The following CERS5 variants were observed in gnomAD, a reference collection of about 807,000 sequenced individuals.
The protein encoded by CERS5 is ceramide synthase 5.
A neutral mutation model predicts 58.9 loss-of-function variants in CERS5; 37 were observed. The ratio of observed to expected loss-of-function variants is 0.63; its 90% CI spans 0.48 to 0.83. The LOEUF (loss-of-function observed/expected upper bound fraction) is 0.83. Among genes scored for constraint, CERS5 ranks in the 40% least tolerant of loss-of-function variants. The probability of loss-of-function intolerance (pLI) is 0.00; values close to 1 mark genes in which losing one functional copy is unlikely to be tolerated. For missense variants in CERS5, 398 were observed against 489.3 expected, an observed-to-expected ratio of 0.81 and a Z score of 1.76; for synonymous variants, 147 against 177.8, an observed-to-expected ratio of 0.83 and a Z score of 1.38.
chr12:50,157,846 C>T (rs59805158), intron 1 of CERS5, among the ~76,000 whole-genome samples: 5 of 151,952 alleles, frequency 3.3e-5, no homozygotes, highest in Non-Finnish European at 5.9e-5. Context: ...GAGGTGGAAG[C>T]ATCACTTGAG....
chr12:50,165,986 G>A (rs1179199745), intron 1 of CERS5: 1 of 453,112 alleles, frequency 2.2e-6, no homozygotes, highest in Non-Finnish European at 4.4e-6. Context: ...GTGAAATCAT[G>A]TGGTTGAACA....
chr12:50,148,946 A>ATATATATATATATATATATATATATG (rs1420401358), intron 1 of CERS5, among the ~76,000 whole-genome samples: 3 of 103,152 alleles, frequency 2.9e-5, no homozygotes, highest in African/African-American at 4.0e-5. Flanking sequence ...ATATATATAT[A>ATATATATATATATATATATATATATG]TGTGTGTGTG....
chr12:50,156,912 T>C (rs902128461), intron 1 of CERS5, among the ~76,000 whole-genome samples: 1 of 152,200 alleles, frequency 6.6e-6, no homozygotes, highest in African/African-American at 2.4e-5. Context: ...TGATGGTTAA[T>C]ACTGAGTATC....
intron 1 of CERS5, among the ~76,000 whole-genome samples, chr12:50,161,866 CTTCT>C (rs1301664033): frequency 3.8e-5 from 4 of 106,052 alleles, no homozygotes; most frequent in East Asian, 3.4e-4. Context: ...ATTTGTTCTT[CTTCT>C]TTTTTTTTTT....
chr12:50,156,846 A>T (rs141523522), intron 1 of CERS5, among the ~76,000 whole-genome samples: 48 of 152,312 alleles, frequency 3.2e-4, no homozygotes, highest in African/African-American at 1.1e-3. Context: ...CAGGAGGTCA[A>T]GGCTGTAGTG....
In CERS5 at chr12:50,146,374, C is replaced by G. The variant is rs1390839483; in HGVS notation, c.198-2317G>C. Reference sequence around the variant, plus strand: ...AGCAGAAAGTGAGAAGCAAGAAATACTCTTTGATATAACAGGTCTATATTC... The same window carrying G: ...AGCAGAAAGTGAGAAGCAAGAAATAGTCTTTGATATAACAGGTCTATATTC... On this transcript the variant is annotated intron_variant, in intron 1 of 9. Coordinates refer to ENST00000317551, the MANE Select transcript of CERS5 (RefSeq NM_147190.5). Among the ~76,000 whole-genome samples, 5 of 152,310 alleles carry G rather than the reference C, an allele frequency of 3.3e-5. No individual in the cohort carries two copies. In the East Asian group the frequency reaches 9.6e-4, roughly 29 times the overall value.
chr12:50,142,185 A>G, intron 3 of CERS5, 75 bp from the exon 4 acceptor site: 2 of 972,454 alleles, frequency 2.1e-6, no homozygotes, highest in East Asian at 4.9e-5. Flanking sequence ...AAGTCAAGAT[A>G]GCAAATTTGG....
rs138158760 is a variant in CERS5 at position 50,139,645 on chromosome 12, T to G, written c.493-1028A>C. 6.2e-3 allele frequency among the ~76,000 whole-genome samples: 950 copies of G among 152,016 alleles called. 12 individuals are homozygous for G. The highest frequency in any genetic ancestry group is 0.022 in the African/African-American group (919 of 41,462). The stretch of plus-strand genomic sequence containing the variant: ...CTGTCTCTACCAAAAATACAAAAAT[T>G]AGCTGGGCCTGGTGGCGTATTCCTG... On this transcript the variant is annotated intron_variant, in intron 4 of 9. Coordinates refer to ENST00000317551, the MANE Select transcript of CERS5 (RefSeq NM_147190.5).
intron 4 of CERS5, among the ~76,000 whole-genome samples, chr12:50,141,228 T>C (rs868453835): frequency 3.3e-5 from 5 of 152,026 alleles, no homozygotes; most frequent in Admixed American, 6.6e-5. Context: ...TTTTTGTAGC[T>C]TTTTGTAGAG....
At position 50,143,212 on chromosome 12, in the gene CERS5, T is replaced by A; in HGVS notation, c.304-8A>T. The A allele has an allele frequency of 6.2e-7, 1 of 1,613,966 alleles. No homozygotes were observed. Among genetic ancestry groups the A allele is most frequent in the Non-Finnish European group, 8.5e-7 (1 of 1,179,936 alleles). Reference sequence around the variant, plus strand: ...CCTTTTCTTATCAGGATACTGTGAATGTATAACCAGAGTCAGAACACCCGT... The same window carrying A: ...CCTTTTCTTATCAGGATACTGTGAAAGTATAACCAGAGTCAGAACACCCGT... On this transcript the variant is annotated splice_polypyrimidine_tract_variant and splice_region_variant and intron_variant, in intron 2 of 9. Transcript: ENST00000317551.
chr12:50,162,953 C>T (rs965150349), intron 1 of CERS5, among the ~76,000 whole-genome samples: 7 of 152,094 alleles, frequency 4.6e-5, no homozygotes, highest in African/African-American at 1.7e-4. Flanking sequence ...GGCTGGAGTG[C>T]ACTGGCGCTA....
chr12:50,156,600 A>T (rs11831413), intron 1 of CERS5, among the ~76,000 whole-genome samples: 42,139 of 150,116 alleles, frequency 0.28, 7,187 homozygotes, highest in Middle Eastern at 0.4. Context: ...ATACATACTT[A>T]AAAAATTTAT....
chr12:50,133,823 C>T, intron 9 of CERS5: 3 of 968,796 alleles, frequency 3.1e-6, no homozygotes, highest in Non-Finnish European at 3.7e-6. Flanking sequence ...CCTGTAATCC[C>T]AGCACTTCGG....
chr12:50,135,496 G>GTACTC (rs1951640125), intron 8 of CERS5: 1 of 690,032 alleles, frequency 1.4e-6, no homozygotes, highest in African/African-American at 1.8e-5. Flanking sequence ...ACCAAGCCGG[G>GTACTC]TACTCTGAGT....
At chr12:50,140,284 ATTTTTTTTT>A (rs57651378) in intron 4 of CERS5, among the ~76,000 whole-genome samples, 9 of 96,254 alleles carry the variant, frequency 9.4e-5, no homozygotes, top group East Asian at 4.1e-4. Flanking sequence ...TAACTTCCAA[ATTTTTTTTT>A]TTTTTTTTTT....
chr12:50,150,800 TAA>T (rs748276987), intron 1 of CERS5, among the ~76,000 whole-genome samples: 4 of 151,978 alleles, frequency 2.6e-5, no homozygotes, highest in Admixed American at 2.6e-4. Flanking sequence ...TCCAGTAAAA[TAA>T]AGACTCTAAA....
intron 1 of CERS5, 41 bp downstream of exon 1, chr12:50,167,060 C>T: frequency 2.1e-6 from 3 of 1,442,032 alleles, no homozygotes; most frequent in Admixed American, 2.5e-5. Context: ...GCGCCCCCGG[C>T]CCGCGCCCGG....
intron 1 of CERS5, among the ~76,000 whole-genome samples, chr12:50,163,261 C>T (rs1012192633): frequency 2.6e-5 from 4 of 151,604 alleles, no homozygotes; most frequent in Non-Finnish European, 4.4e-5. Flanking sequence ...TCCAGTGGCA[C>T]GATCTCAGCT....
At chr12:50,149,076 A>G (rs1266597177) in intron 1 of CERS5, among the ~76,000 whole-genome samples, 1 of 151,474 alleles carries the variant, frequency 6.6e-6, no homozygotes, top group African/African-American at 2.4e-5. Flanking sequence ...CACATAAACA[A>G]AAACTCTTTG....
Sources: gnomAD v4.1 joint callset for allele counts (sites outside exome capture counted in the v4.1 genomes callset) on GRCh38, gnomAD v4.1.1 for gene constraint, MANE v1.5 for transcripts, NCBI Gene and HGNC (gene_info 2026-07-23, HGNC 2026-07-21) for gene names.